The following ACAP2 variants were observed in gnomAD, a reference collection of about 807,000 sequenced individuals.
ACAP2 encodes ArfGAP with coiled-coil, ankyrin repeat and PH domains 2, also known as arf-GAP with coiled-coil, ANK repeat and PH domain-containing protein 2.
Under a neutral mutation model 115.8 loss-of-function variants are expected in ACAP2, and 39 were observed. That is an observed-to-expected ratio of 0.34 (90% CI 0.26 to 0.44). ACAP2 has a LOEUF of 0.44. ACAP2 is among the 20% of genes least tolerant of loss of function. The pLI is 1.00. For synonymous variants in ACAP2, 289 were observed against 315.8 expected, an observed-to-expected ratio of 0.92 and a Z score of 0.90; for missense variants, 662 against 927.6, an observed-to-expected ratio of 0.71 and a Z score of 3.72.
intron 18 of ACAP2, 127 bp downstream of exon 18, chr3:195,294,592 G>GA (rs200209680): frequency 4.3e-3 from 214 of 49,824 alleles, no homozygotes; most frequent in Middle Eastern, 0.013. Context: ...AAAAAAAGAA[G>GA]AAAAAAAAAA....
At chr3:195,358,087 G>A (rs1019254987) in intron 4 of ACAP2, among the ~76,000 whole-genome samples, 1 of 152,104 alleles carries the variant, frequency 6.6e-6, no homozygotes, top group Non-Finnish European at 1.5e-5. Flanking sequence ...GATTTGGGTG[G>A]GGACACAAAG....
At chr3:195,370,026 T>C (rs1421272227) in intron 4 of ACAP2, among the ~76,000 whole-genome samples, 4 of 152,266 alleles carry the variant, frequency 2.6e-5, no homozygotes, top group African/African-American at 9.6e-5. Context: ...TCAACATTTC[T>C]TCACAGGCTT....
At chr3:195,321,037 T>C (rs993220850) in intron 9 of ACAP2, among the ~76,000 whole-genome samples, 7 of 152,100 alleles carry the variant, frequency 4.6e-5, no homozygotes. Flanking sequence ...GCAATACTTA[T>C]TGTGATGACG....
intron 1 of ACAP2, chr3:195,441,731 A>G (rs1440789838): frequency 6.6e-6 from 1 of 152,252 alleles, no homozygotes; most frequent in East Asian, 1.9e-4. Flanking sequence ...TTAAGGCCTT[A>G]TATTTGTAAG....
intron 1 of ACAP2, among the ~76,000 whole-genome samples, chr3:195,424,838 G>A (rs1431945967): frequency 1.4e-5 from 2 of 143,748 alleles, no homozygotes; most frequent in Non-Finnish European, 3.0e-5. Context: ...GATCATTTGA[G>A]CCAAGAGGTC....
intron 15 of ACAP2, among the ~76,000 whole-genome samples, chr3:195,299,542 CAAA>C (rs61602807): frequency 1.9e-5 from 2 of 103,708 alleles, no homozygotes; most frequent in Admixed American, 1.1e-4. Flanking sequence ...GACTCCGTCT[CAAA>C]AAAAAAAAAA....
At chr3:195,407,011 G>A (rs1053227509) in intron 1 of ACAP2, among the ~76,000 whole-genome samples, 1 of 151,834 alleles carries the variant, frequency 6.6e-6, no homozygotes, top group Non-Finnish European at 1.5e-5. Context: ...TGTCTTTAAT[G>A]ACCCACCTTA....
chr3:195,411,201 C>A (rs1341372628), intron 1 of ACAP2, among the ~76,000 whole-genome samples: 1 of 152,134 alleles, frequency 6.6e-6, no homozygotes, highest in Non-Finnish European at 1.5e-5. Flanking sequence ...AATGGTACCA[C>A]TATTGTGGAA....
At chr3:195,344,218 T>C (rs909290650) in intron 5 of ACAP2, among the ~76,000 whole-genome samples, 23 of 152,160 alleles carry the variant, frequency 1.5e-4, no homozygotes, top group African/African-American at 4.8e-4. Flanking sequence ...ACCCTGTCTC[T>C]ATATTTAAAA....
intron 4 of ACAP2, among the ~76,000 whole-genome samples, chr3:195,346,754 TATAGAAAATACCCAAATGTCTTTCA>T (rs1731212942): frequency 6.6e-6 from 1 of 152,150 alleles, no homozygotes; most frequent in African/African-American, 2.4e-5. Flanking sequence ...ATTGCCAAAA[TATAGAAAATACCCAAATGTCTTTCA>T]ACCAGTGAAT....
intron 1 of ACAP2, among the ~76,000 whole-genome samples, chr3:195,425,786 A>C (rs937861011): frequency 6.6e-6 from 1 of 152,154 alleles, no homozygotes; most frequent in Non-Finnish European, 1.5e-5. Flanking sequence ...CGATTTTTTT[A>C]TTCTTCTAAT....
chr3:195,400,507 TA>T (rs200223859), intron 1 of ACAP2, among the ~76,000 whole-genome samples: 6,443 of 140,930 alleles, frequency 0.046, 170 homozygotes, highest in East Asian at 0.1. Context: ...CTTTTTCCCT[TA>T]AAAAAAAAAA....
At chr3:195,435,469 T>A (rs1715466102) in intron 1 of ACAP2, among the ~76,000 whole-genome samples, 1 of 149,768 alleles carries the variant, frequency 6.7e-6, no homozygotes, top group Non-Finnish European at 1.5e-5. Context: ...CCCGGCCTCT[T>A]TTTTTTTTAA....
At chr3:195,307,835 G>GA (rs1728517859) in intron 11 of ACAP2, among the ~76,000 whole-genome samples, 1 of 152,202 alleles carries the variant, frequency 6.6e-6, no homozygotes, top group Admixed American at 6.5e-5. Context: ...AAGAAACCAT[G>GA]AACTAATAAT....
intron 7 of ACAP2, among the ~76,000 whole-genome samples, chr3:195,333,759 A>G (rs1730324744): frequency 6.6e-6 from 1 of 152,212 alleles, no homozygotes; most frequent in African/African-American, 2.4e-5. Flanking sequence ...TCCTTCAACC[A>G]AGCTCACTGA....
intron 13 of ACAP2, among the ~76,000 whole-genome samples, chr3:195,303,960 G>A (rs1728238790): frequency 6.6e-6 from 1 of 151,960 alleles, no homozygotes; most frequent in Non-Finnish European, 1.5e-5. Flanking sequence ...AGGAGTTCGA[G>A]AGCAGCCTGG....
intron 1 of ACAP2, among the ~76,000 whole-genome samples, chr3:195,428,299 CATAGAT>C (rs1323238752): frequency 6.7e-6 from 1 of 149,456 alleles, no homozygotes; most frequent in Non-Finnish European, 1.5e-5. Flanking sequence ...GGTATACATA[CATAGAT>C]ATATATACAC....
At chr3:195,431,326 T>G (rs1715105294) in intron 1 of ACAP2, among the ~76,000 whole-genome samples, 1 of 152,224 alleles carries the variant, frequency 6.6e-6, no homozygotes, top group Non-Finnish European at 1.5e-5. Context: ...TGAATAATGC[T>G]CCTATGAACA....
chr3:195,355,926 C>T (rs1731931973), intron 4 of ACAP2: 1 of 296,922 alleles, frequency 3.4e-6, no homozygotes, highest in African/African-American at 2.2e-5. Flanking sequence ...AAAATAGAAA[C>T]AAGCTGGAAT....
Sources: gnomAD v4.1 joint callset for allele counts (sites outside exome capture counted in the v4.1 genomes callset) on GRCh38, gnomAD v4.1.1 for gene constraint, MANE v1.5 for transcripts, NCBI Gene and HGNC (gene_info 2026-07-23, HGNC 2026-07-21) for gene names.